Variants in SIPA1L3 observed in about 807,000 individuals in gnomAD.
SIPA1L3 encodes signal induced proliferation associated 1 like 3.
A neutral mutation model predicts 150.1 loss-of-function variants in SIPA1L3; 59 were observed. That is an observed-to-expected ratio of 0.39 (90% CI 0.32 to 0.49). The LOEUF (loss-of-function observed/expected upper bound fraction) is 0.49. Ranked by LOEUF, SIPA1L3 falls within the 20% of genes least tolerant of loss-of-function variation. The pLI, the probability that SIPA1L3 is intolerant of heterozygous loss-of-function variation, is 0.86. For missense variants in SIPA1L3, 2,211 were observed against 2,489.5 expected (o/e 0.89, Z 2.38); for synonymous variants, 1,070 against 1,077.6 (o/e 0.99, Z 0.14).
At chr19:38,204,665 T>C (rs923473322) in intron 21 of SIPA1L3, among the ~76,000 whole-genome samples, 1 of 151,934 alleles carries the variant, frequency 6.6e-6, no homozygotes, top group African/African-American at 2.4e-5. Context: ...CTCAGGATGC[T>C]GAGGCAAGAG....
chr19:38,164,399 C>T lies in SIPA1L3; in HGVS notation c.3781-80C>T, dbSNP rs1972158803. 4 of 1,386,110 alleles carry T rather than the reference C, an allele frequency of 2.9e-6. No individual in the cohort carries two copies. Among genetic ancestry groups the T allele is most frequent in the East Asian group, 2.3e-5 (1 of 43,310 alleles). 85.9% of individuals were successfully genotyped at this position (1,386,110 alleles called of 1,614,324 possible). ...GCTGTCTGGTCCCAGGGTTCAGGCC[C>T]AGGCAGAGGGAGGACCCGGCAAGGG... On this transcript the variant is annotated intron_variant, in intron 14 of 21. Transcript: ENST00000222345. The surrounding 1 kb of genome is among the most constrained non-coding windows in gnomAD (Gnocchi z 4.1).
chr19:37,964,984 A>C (rs953581466), intron 1 of SIPA1L3, among the ~76,000 whole-genome samples: 4 of 152,098 alleles, frequency 2.6e-5, no homozygotes, highest in Non-Finnish European at 4.4e-5. Context: ...AATTCTCTAT[A>C]CCCTTTTCCA....
chr19:38,079,683 G>A (rs1431731596), intron 2 of SIPA1L3, among the ~76,000 whole-genome samples: 1 of 151,896 alleles, frequency 6.6e-6, no homozygotes, highest in Non-Finnish European at 1.5e-5. Context: ...AGCCCCCTGA[G>A]TAGCTGGGAC....
At chr19:38,036,263 C>T (rs567028853) in intron 2 of SIPA1L3, among the ~76,000 whole-genome samples, 1 of 152,332 alleles carries the variant, frequency 6.6e-6, no homozygotes, top group East Asian at 1.9e-4. Flanking sequence ...GTGGGTGATT[C>T]GGAGGGAAGG....
chr19:38,021,009 C>T (rs1346551679), intron 1 of SIPA1L3, among the ~76,000 whole-genome samples: 1 of 152,180 alleles, frequency 6.6e-6, no homozygotes, highest in Non-Finnish European at 1.5e-5. Flanking sequence ...CCATGTTGGC[C>T]AGGCTGGTCT....
At chr19:38,018,707 T>G (rs886611255) in intron 1 of SIPA1L3, among the ~76,000 whole-genome samples, 8 of 152,220 alleles carry the variant, frequency 5.3e-5, no homozygotes, top group African/African-American at 1.7e-4. Context: ...CATAGCTTCC[T>G]TCTGCTTTTT....
chr19:37,999,008 CA>C (rs1308095466), intron 1 of SIPA1L3, among the ~76,000 whole-genome samples: 26 of 151,592 alleles, frequency 1.7e-4, no homozygotes, highest in South Asian at 4.2e-4. Flanking sequence ...CACACACACA[CA>C]CACCCACACA....
At chr19:38,061,194 CTT>C (rs1389647547) in intron 2 of SIPA1L3, among the ~76,000 whole-genome samples, 2 of 151,640 alleles carry the variant, frequency 1.3e-5, no homozygotes, top group African/African-American at 4.9e-5. Context: ...GCCAGTGACT[CTT>C]TTATTTAGCA....
chr19:38,066,167 C>T (rs1001668425), intron 2 of SIPA1L3, among the ~76,000 whole-genome samples: 33 of 151,694 alleles, frequency 2.2e-4, no homozygotes, highest in Non-Finnish European at 4.3e-4. Flanking sequence ...CATGCACCAC[C>T]ACACCTGGCA....
intron 2 of SIPA1L3, among the ~76,000 whole-genome samples, chr19:38,055,074 G>A (rs905590573): frequency 3.3e-5 from 5 of 152,178 alleles, no homozygotes; most frequent in Non-Finnish European, 1.5e-5. Context: ...TAGCCTTGTC[G>A]CTTCCTAACT....
At chr19:38,182,969 T>G in intron 16 of SIPA1L3, 1 of 514,980 alleles carries the variant, frequency 1.9e-6, no homozygotes, top group Non-Finnish European at 3.4e-6. Flanking sequence ...AAGCACGCAA[T>G]AGGTCAATGG....
chr19:38,123,975 ACC>A (rs71179415), intron 9 of SIPA1L3, among the ~76,000 whole-genome samples: 2 of 123,424 alleles, frequency 1.6e-5, no homozygotes, highest in Non-Finnish European at 3.4e-5. Context: ...CGGGGGGCCA[ACC>A]CCCCCCCACC....
chr19:38,127,203 G>C (rs1354195845), intron 9 of SIPA1L3, among the ~76,000 whole-genome samples: 1 of 152,148 alleles, frequency 6.6e-6, no homozygotes, highest in Non-Finnish European at 1.5e-5. Context: ...AAAAAAAAGA[G>C]AACCCCAGTC....
At chr19:38,192,399 A>G in intron 17 of SIPA1L3, 89 bp downstream of exon 17, 1 of 1,245,466 alleles carries the variant, frequency 8.0e-7, no homozygotes, top group Non-Finnish European at 1.1e-6. Context: ...TGTGCTCCCC[A>G]CGGTCACGCC....
chr19:38,168,091 C>A (rs192982660), intron 15 of SIPA1L3, among the ~76,000 whole-genome samples: 1 of 152,022 alleles, frequency 6.6e-6, no homozygotes, highest in Admixed American at 6.6e-5. Flanking sequence ...CAAATGAATA[C>A]GTGTGCGCTC....
intron 1 of SIPA1L3, among the ~76,000 whole-genome samples, chr19:37,975,897 G>A (rs895377320): frequency 6.6e-6 from 1 of 152,104 alleles, no homozygotes; most frequent in Non-Finnish European, 1.5e-5. Flanking sequence ...TTGAGGTCAG[G>A]AGTTCAAGAC....
chr19:38,178,047 C>T (rs893385134), intron 15 of SIPA1L3, among the ~76,000 whole-genome samples: 9 of 150,188 alleles, frequency 6.0e-5, no homozygotes, highest in African/African-American at 1.7e-4. Context: ...CTACAGAGAC[C>T]GTCCTCATAC....
At chr19:38,068,950 T>C (rs556250717) in intron 2 of SIPA1L3, among the ~76,000 whole-genome samples, 1 of 152,316 alleles carries the variant, frequency 6.6e-6, no homozygotes, top group Non-Finnish European at 1.5e-5. Context: ...TGTGTAGCCC[T>C]GAATCTGGCG....
At chr19:38,125,131 G>C (rs1457601462) in intron 9 of SIPA1L3, among the ~76,000 whole-genome samples, 4 of 152,148 alleles carry the variant, frequency 2.6e-5, no homozygotes, top group Non-Finnish European at 4.4e-5. Context: ...CACCTCCCGG[G>C]TTCAAGCATT....
Sources: gnomAD v4.1 joint callset for allele counts (sites outside exome capture counted in the v4.1 genomes callset) on GRCh38, gnomAD v4.1.1 for gene constraint, Gnocchi (gnomAD v3.1) non-coding constraint, MANE v1.5 for transcripts, NCBI Gene and HGNC (gene_info 2026-07-23, HGNC 2026-07-21) for gene names.